The following CREM variants were observed in gnomAD, a reference collection of about 807,000 sequenced individuals.
CREM encodes the protein cAMP-responsive element modulator.
In CREM, 13 loss-of-function variants were observed where a neutral mutation model predicts 37.3. That is an observed-to-expected ratio of 0.35 (90% confidence interval 0.23 to 0.55). CREM has a LOEUF of 0.55. Among genes scored for constraint, CREM ranks in the 20% least tolerant of loss-of-function variants. The probability of loss-of-function intolerance (pLI) is 0.88; values close to 1 mark genes in which losing one functional copy is unlikely to be tolerated. For missense variants in CREM, 296 were observed against 362.3 expected (o/e 0.82, Z 1.49); for synonymous variants, 124 against 120.2 (o/e 1.03, Z -0.21).
chr10:35,183,106 A>G (rs1279181834), intron 5 of CREM, among the ~76,000 whole-genome samples: 2 of 152,142 alleles, frequency 1.3e-5, no homozygotes, highest in South Asian at 2.1e-4. Context: ...ATTAAAGACT[A>G]TCACCCAAGA....
Position 35,179,312 on chromosome 10 carries a change from G to A in CREM, c.409+36G>A, listed in dbSNP as rs147240735. ...TGCAATTCGATATGATACAGTGCTA[G>A]CTTTAAGTCTTCTCTAGTTATATTG... On this transcript the variant is annotated intron_variant, in intron 5 of 7. Coordinates refer to ENST00000685392, the MANE Select transcript of CREM (RefSeq NM_183011.2). 15 of 1,598,392 alleles carry A rather than the reference G, an allele frequency of 9.4e-6. No individual in the cohort carries two copies. In the African/African-American group the frequency reaches 1.9e-4, roughly 20 times the overall value.
intron 6 of CREM, among the ~76,000 whole-genome samples, chr10:35,194,741 GTT>G (rs33981809): frequency 0.3 from 44,017 of 144,612 alleles, 6,883 homozygotes; most frequent in South Asian, 0.36. Flanking sequence ...TAGTCAATGT[GTT>G]TTTTTTTTTT....
chr10:35,171,197 A>G (rs1463111984), intron 3 of CREM: 2 of 116,134 alleles, frequency 1.7e-5, no homozygotes, highest in Non-Finnish European at 3.3e-5. Context: ...GTTAAGGCAC[A>G]GTCTCGCTCT....
intron 1 of CREM, among the ~76,000 whole-genome samples, chr10:35,130,817 T>G (rs1397105231): frequency 2.0e-5 from 3 of 152,232 alleles, no homozygotes; most frequent in African/African-American, 7.2e-5. Flanking sequence ...TTTACAATGT[T>G]CGCAGAATGA....
chr10:35,165,492 ATTC>A (rs1288866743), intron 3 of CREM, among the ~76,000 whole-genome samples: 7 of 152,166 alleles, frequency 4.6e-5, no homozygotes, highest in Non-Finnish European at 7.3e-5. Context: ...CTTTTATGTA[ATTC>A]TTCTTTCCTG....
chr10:35,202,217 T>C (rs902760373), intron 6 of CREM, among the ~76,000 whole-genome samples: 49 of 152,234 alleles, frequency 3.2e-4, no homozygotes, highest in African/African-American at 9.9e-4. Context: ...AAGTGGCCTT[T>C]ATAAGAATAC....
At position 35,188,198 on chromosome 10, in the gene CREM, A is replaced by G; in HGVS notation, c.410-2A>G. 2 of 1,597,092 alleles carry G rather than the reference A, an allele frequency of 1.3e-6. No individual in the cohort carries two copies. The highest frequency in any genetic ancestry group is 1.7e-6 in the Non-Finnish European group (2 of 1,175,566). ...TAATATTTCTTTTCTTTTTCTGTTA[A>G]GTTGCTATAGCCCAAGGTGGAACAA... On this transcript the variant is annotated splice_acceptor_variant, in intron 5 of 7. Coordinates refer to ENST00000685392, the MANE Select transcript of CREM (RefSeq NM_183011.2). LOFTEE classifies it high-confidence loss of function.
chr10:35,156,489 A>T (rs1405783176), intron 3 of CREM, among the ~76,000 whole-genome samples: 2 of 151,964 alleles, frequency 1.3e-5, no homozygotes, highest in Non-Finnish European at 2.9e-5. Flanking sequence ...GCCTCAAGTG[A>T]TCCTCCCTCT....
intron 6 of CREM, among the ~76,000 whole-genome samples, chr10:35,192,117 C>T (rs1413030240): frequency 1.3e-5 from 2 of 152,148 alleles, no homozygotes; most frequent in African/African-American, 4.8e-5. Flanking sequence ...CTGTGGGCTA[C>T]AGTCTCCGGC....
chr10:35,139,420 A>C (rs547021155), intron 2 of CREM, among the ~76,000 whole-genome samples: 1 of 152,272 alleles, frequency 6.6e-6, no homozygotes, highest in African/African-American at 2.4e-5. Context: ...ATGCCCAGCC[A>C]CCATTTTAGC....
chr10:35,199,086 T>A (rs1367063573), intron 6 of CREM, among the ~76,000 whole-genome samples: 5 of 152,104 alleles, frequency 3.3e-5, no homozygotes, highest in Non-Finnish European at 7.4e-5. Context: ...GAGGTGGAGG[T>A]TGCAGTGAGC....
chr10:35,176,559 C>T (rs2094099221), intron 3 of CREM, among the ~76,000 whole-genome samples: 1 of 151,982 alleles, frequency 6.6e-6, no homozygotes, highest in Non-Finnish European at 1.5e-5. Flanking sequence ...AGGCGCCCGC[C>T]ACCATGCGTG....
At chr10:35,160,076 C>T (rs1721453050) in intron 3 of CREM, among the ~76,000 whole-genome samples, 1 of 151,934 alleles carries the variant, frequency 6.6e-6, no homozygotes, top group South Asian at 2.1e-4. Context: ...TTTGTGCAAA[C>T]ATCTAGAGTG....
chr10:35,160,742 G>A (rs2093241365), intron 3 of CREM, among the ~76,000 whole-genome samples: 1 of 152,168 alleles, frequency 6.6e-6, no homozygotes, highest in African/African-American at 2.4e-5. Context: ...GCATAAAAAT[G>A]TTTTCTTCTA....
chr10:35,186,273 A>G lies in CREM; in HGVS notation c.410-1927A>G, dbSNP rs2094550849. ...TACAGACCTTTCAGATATTTTAAAT[A>G]ATACTTGTCTATTAGAGTGAAATTT... On this transcript the variant is annotated intron_variant, in intron 5 of 7. Coordinates refer to ENST00000685392, the MANE Select transcript of CREM (RefSeq NM_183011.2). 2.0e-5 allele frequency among the ~76,000 whole-genome samples: 3 copies of G among 152,190 alleles called. No individual in the cohort carries two copies. The South Asian group carries it at 6.2e-4, about 32-fold the overall frequency.
At chr10:35,180,372 T>A (rs1435471176) in intron 5 of CREM, among the ~76,000 whole-genome samples, 1 of 152,244 alleles carries the variant, frequency 6.6e-6, no homozygotes, top group Admixed American at 6.5e-5. Context: ...AAGTCCTGAC[T>A]ACTAAAACAA....
rs764048891 is a variant in CREM at position 35,179,113 on chromosome 10, C to A, written c.267-21C>A. Reference sequence around the variant, plus strand: ...CTTATTCATGTATCTTAGTGACTTACCTTGTTAAATTGTATTTTAGGAAAA... The same window carrying A: ...CTTATTCATGTATCTTAGTGACTTAACTTGTTAAATTGTATTTTAGGAAAA... On this transcript the variant is annotated intron_variant, in intron 4 of 7. Transcript: ENST00000685392. 3.1e-6 allele frequency: 5 copies of A among 1,596,768 alleles called. No individual in the cohort carries two copies. The African/African-American group carries it at 5.4e-5, about 17-fold the overall frequency.
rs1299590935 is a variant in CREM at position 35,187,152 on chromosome 10, TATAATATATA to T, written c.410-1047_410-1038del. On this transcript the variant is annotated intron_variant, in intron 5 of 7. Transcript: ENST00000685392. ...TATTAATATATTAATATATAATATA[TATAATATATA>T]TTATATATTAATATTAATATATAAA... Among the ~76,000 whole-genome samples the T allele has an allele frequency of 5.7e-5, 5 of 87,364 alleles. No individual in the cohort carries two copies. In the East Asian group the frequency reaches 7.9e-4, roughly 14 times the overall value. 57.3% of individuals were successfully genotyped at this position (87,364 alleles called of 152,430 possible).
At chr10:35,139,244 C>T (rs895343741) in intron 2 of CREM, among the ~76,000 whole-genome samples, 9 of 151,738 alleles carry the variant, frequency 5.9e-5, no homozygotes, top group African/African-American at 9.7e-5. Context: ...CCTCAGCCTC[C>T]GAGTAGCTGG....
Sources: allele counts gnomAD v4.1 joint callset (sites outside exome capture counted in the v4.1 genomes callset), GRCh38; gene constraint gnomAD v4.1.1; transcripts MANE v1.5; gene names NCBI Gene and HGNC (gene_info 2026-07-23, HGNC 2026-07-21).